Variants in TBC1D19 observed in about 807,000 individuals in gnomAD.
TBC1D19 encodes the protein TBC1 domain family, member 19.
Under a neutral mutation model 89.0 loss-of-function variants are expected in TBC1D19, and 60 were observed. That is an observed-to-expected ratio of 0.67 (90% CI 0.55 to 0.84). The LOEUF (loss-of-function observed/expected upper bound fraction) is 0.84, where lower values mean the gene tolerates loss of function less well. Among genes scored for constraint, TBC1D19 ranks in the 40% least tolerant of loss-of-function variants. The pLI is 0.00. For synonymous variants in TBC1D19, 189 were observed against 199.7 expected (o/e 0.95, Z 0.45); for missense variants, 500 against 610.8 (o/e 0.82, Z 1.91).
intron 14 of TBC1D19, 35 bp from the exon 15 acceptor site, chr4:26,720,046 A>G (rs774378548): frequency 7.8e-6 from 12 of 1,530,370 alleles, no homozygotes; most frequent in South Asian, 2.5e-5. Context: ...TATTTACTTA[A>G]TCATATTGAA....
At chr4:26,780,698 A>C in the TBC1D19 span, among the ~76,000 whole-genome samples, 1 of 152,324 alleles carries the variant, frequency 6.6e-6, no homozygotes, top group Non-Finnish European at 1.5e-5. Flanking sequence ...TCCTGTCTTC[A>C]CTTGCCCCAG....
chr4:26,857,411 G>A, the TBC1D19 span, among the ~76,000 whole-genome samples: 1 of 152,204 alleles, frequency 6.6e-6, no homozygotes, highest in East Asian at 1.9e-4. Context: ...GCCACGCAGG[G>A]AAGTCAAAGA....
chr4:26,776,166 C>T, the TBC1D19 span, among the ~76,000 whole-genome samples: 3 of 152,120 alleles, frequency 2.0e-5, no homozygotes, highest in African/African-American at 4.8e-5. Context: ...ACAATCTGAT[C>T]GTTAGGTCTA....
At chr4:26,579,522 C>T (rs1255586340), upstream of TBC1D19, among the ~76,000 whole-genome samples, 7 of 151,210 alleles carry the variant, frequency 4.6e-5, no homozygotes, top group East Asian at 1.9e-4. Flanking sequence ...CTTTAAGTTC[C>T]GGGATACCTG....
rs192007149 is a variant in TBC1D19 at position 26,740,509 on chromosome 4, T to C, written c.1227+536T>C. ...AATTATCAGTTATAATAGTACATAT[T>C]TTCTTTGTATTCAATAAAATGATCC... On this transcript the variant is annotated intron_variant, in intron 17 of 20. Transcript: ENST00000264866. Among the ~76,000 whole-genome samples the C allele has an allele frequency of 2.0e-3, 303 of 152,334 alleles. 1 individual carries two copies. The highest frequency in any genetic ancestry group is 7.0e-3 in the African/African-American group (293 of 41,582).
rs185746680 is a variant in TBC1D19 at position 26,620,836 on chromosome 4, T to G, written c.294+148T>G. ...AATTTATGTTAATAGTATTTGTATA[T>G]TCTCCCATTTTATATTCAGTAACCA... On this transcript the variant is annotated intron_variant, in intron 4 of 20. Transcript: ENST00000264866. 1,881 of 668,906 alleles carry G rather than the reference T, an allele frequency of 2.8e-3. 5 individuals carry two copies. The highest frequency in any genetic ancestry group is 3.2e-3 in the Non-Finnish European group (1,336 of 422,396). The allele number at this position is 668,906 out of a possible 1,614,324, so 41.4% of individuals were successfully genotyped here. A position where few individuals can be genotyped will look rare whatever the true frequency, so the allele number is the denominator to read the frequency against.
At chr4:26,691,724 G>A (rs1380018195) in intron 13 of TBC1D19, among the ~76,000 whole-genome samples, 1 of 152,092 alleles carries the variant, frequency 6.6e-6, no homozygotes, top group Admixed American at 6.5e-5. Context: ...TGTGTGATTT[G>A]CTTTATTACG....
the TBC1D19 span, among the ~76,000 whole-genome samples, chr4:26,831,986 G>A: frequency 1.3e-5 from 2 of 152,154 alleles, no homozygotes; most frequent in African/African-American, 4.8e-5. Flanking sequence ...ACTTCAAGCT[G>A]CTTTGCAAAA....
intron 9 of TBC1D19, among the ~76,000 whole-genome samples, chr4:26,667,600 T>G (rs1244412393): frequency 6.6e-6 from 1 of 152,086 alleles, no homozygotes; most frequent in African/African-American, 2.4e-5. Context: ...CTACGGTTGA[T>G]AAATATTTGG....
At chr4:26,819,749 C>G in the TBC1D19 span, among the ~76,000 whole-genome samples, 1 of 152,186 alleles carries the variant, frequency 6.6e-6, no homozygotes, top group African/African-American at 2.4e-5. Flanking sequence ...TGAGGCCCTA[C>G]CCAGTATGGC....
At chr4:26,643,703 G>T (rs534354774) in intron 7 of TBC1D19, among the ~76,000 whole-genome samples, 1 of 152,160 alleles carries the variant, frequency 6.6e-6, no homozygotes, top group Admixed American at 6.5e-5. Context: ...GAAGAAAAGA[G>T]AGAAGAATCA....
the TBC1D19 span, among the ~76,000 whole-genome samples, chr4:26,785,842 T>A: frequency 1.3e-5 from 2 of 152,200 alleles, no homozygotes; most frequent in African/African-American, 2.4e-5. Context: ...AGGAACTTTT[T>A]AGAAATACCA....
chr4:26,849,609 A>T, the TBC1D19 span, among the ~76,000 whole-genome samples: 1 of 152,156 alleles, frequency 6.6e-6, no homozygotes, highest in African/African-American at 2.4e-5. Flanking sequence ...GGAGTAAGTG[A>T]TCTGTCTCTT....
intron 10 of TBC1D19, among the ~76,000 whole-genome samples, chr4:26,672,403 A>G (rs999494655): frequency 6.6e-6 from 1 of 151,972 alleles, no homozygotes; most frequent in African/African-American, 2.4e-5. Context: ...AGAAAGAAGT[A>G]CACAGCTGGT....
chr4:26,741,508 C>A (rs1428942447), intron 17 of TBC1D19, among the ~76,000 whole-genome samples: 2 of 152,078 alleles, frequency 1.3e-5, no homozygotes, highest in Admixed American at 1.3e-4. Context: ...ATGGTGTTCT[C>A]CCTGTGCAGA....
At chr4:26,740,540 C>A in intron 17 of TBC1D19, 1 of 576,996 alleles carries the variant, frequency 1.7e-6, no homozygotes, top group Non-Finnish European at 2.2e-6. Flanking sequence ...GATCCTTTGG[C>A]CTACAATATA....
At chr4:26,644,316 C>T (rs1312705176) in intron 7 of TBC1D19, among the ~76,000 whole-genome samples, 2 of 152,102 alleles carry the variant, frequency 1.3e-5, no homozygotes, top group Admixed American at 1.3e-4. Flanking sequence ...GAACCAAAGA[C>T]AAAAATCACA....
the TBC1D19 span, among the ~76,000 whole-genome samples, chr4:26,785,397 C>T: frequency 6.6e-6 from 1 of 152,132 alleles, no homozygotes; most frequent in Non-Finnish European, 1.5e-5. Context: ...AAGAGCACAG[C>T]GTTGTTTTGG....
intron 4 of TBC1D19, among the ~76,000 whole-genome samples, chr4:26,621,322 C>T (rs948227297): frequency 6.6e-6 from 1 of 152,210 alleles, no homozygotes; most frequent in Admixed American, 6.5e-5. Flanking sequence ...TCCCCTCAGT[C>T]CAGTCCTGTC....
Sources: allele counts gnomAD v4.1 joint callset (sites outside exome capture counted in the v4.1 genomes callset), GRCh38; gene constraint gnomAD v4.1.1; transcripts MANE v1.5; gene names NCBI Gene and HGNC (gene_info 2026-07-23, HGNC 2026-07-21).